Variants in POU2F2 observed in about 807,000 individuals in gnomAD.
The protein encoded by POU2F2 is POU domain, class 2, transcription factor 2.
In POU2F2, 14 loss-of-function variants were observed where a neutral mutation model predicts 63.5. The ratio of observed to expected loss-of-function variants is 0.22; its 90% CI spans 0.15 to 0.34. POU2F2 has a LOEUF of 0.34. Among genes scored for constraint, POU2F2 ranks in the 10% least tolerant of loss-of-function variants. The pLI, the probability that POU2F2 is intolerant of heterozygous loss-of-function variation, is 1.00. For missense variants in POU2F2, 607 were observed against 815.2 expected, an observed-to-expected ratio of 0.74 and a Z score of 3.11; for synonymous variants, 306 against 348.6, an observed-to-expected ratio of 0.88 and a Z score of 1.36.
chr19:42,104,864 C>T (rs1416587878), intron 5 of POU2F2, among the ~76,000 whole-genome samples: 1 of 152,182 alleles, frequency 6.6e-6, no homozygotes, highest in Admixed American at 6.5e-5. Flanking sequence ...ACACTATTCC[C>T]TGACCCCCTG....
upstream of POU2F2, chr19:42,132,608 G>GT (rs2033850042): frequency 4.5e-6 from 2 of 447,592 alleles, no homozygotes; most frequent in Non-Finnish European, 3.9e-6. Flanking sequence ...TGTGCTGGGG[G>GT]GTGGGGGCTA....
intron 1 of POU2F2, among the ~76,000 whole-genome samples, chr19:42,186,741 C>G (rs1175591020): frequency 6.6e-6 from 1 of 151,880 alleles, no homozygotes; most frequent in Non-Finnish European, 1.5e-5. Flanking sequence ...TTTAAAAAAC[C>G]CGGAGGTAAC....
chr19:42,095,957 G>C lies in POU2F2; in HGVS notation c.730-28C>G. 6.2e-7 allele frequency: 1 copy of C among 1,608,168 alleles called. No homozygotes were observed. On this transcript the variant is annotated intron_variant, in intron 8 of 14. Transcript: ENST00000692977. The surrounding 1 kb of genome is among the most constrained non-coding windows in gnomAD (Gnocchi z 7.1). The stretch of plus-strand genomic sequence containing the variant: ...GGGCCAGTGGGGCGGGGAAGGGCCC[G>C]AAGTCAGGGTGGGGCCTTCCGGCAC...
chr19:42,180,156 C>CA (rs2146814020), upstream of POU2F2, among the ~76,000 whole-genome samples: 1 of 152,294 alleles, frequency 6.6e-6, no homozygotes, highest in African/African-American at 2.4e-5. Flanking sequence ...CCCTGGGACC[C>CA]ATACTGTGTG....
Position 42,089,890 on chromosome 19 carries a change from C to T in POU2F2, c.*1367G>A, listed in dbSNP as rs931590591. ...CTCCTCTGTCCGTCGTCAGTGGAGACGTGTCCGGGGCTGGTCAAACACAGG... is the reference window on the plus strand; with the variant it reads ...CTCCTCTGTCCGTCGTCAGTGGAGATGTGTCCGGGGCTGGTCAAACACAGG... On this transcript the variant is annotated 3_prime_UTR_variant, in exon 15 of 15. Coordinates refer to ENST00000692977, the MANE Select transcript of POU2F2 (RefSeq NM_001394376.1). 2.6e-5 allele frequency: 4 copies of T among 151,984 alleles called. No homozygotes were observed. Among genetic ancestry groups the T allele is most frequent in the Non-Finnish European group, 5.9e-5 (4 of 68,016 alleles). 9.4% of individuals were successfully genotyped at this position (151,984 alleles called of 1,614,324 possible).
chr19:42,112,157 A>G (rs2031208235), intron 5 of POU2F2, among the ~76,000 whole-genome samples: 1 of 152,186 alleles, frequency 6.6e-6, no homozygotes, highest in Non-Finnish European at 1.5e-5. Context: ...CTGGACTCCA[A>G]GGCCCTGTGG....
At chr19:42,137,972 G>A (rs1477298150) in intron 2 of POU2F2, among the ~76,000 whole-genome samples, 1 of 152,176 alleles carries the variant, frequency 6.6e-6, no homozygotes, top group African/African-American at 2.4e-5. Flanking sequence ...GATAGGAGAC[G>A]AGGTGTGAGG....
intron 1 of POU2F2, among the ~76,000 whole-genome samples, chr19:42,161,554 G>A (rs1037729645): frequency 8.6e-5 from 13 of 151,926 alleles, no homozygotes; most frequent in Admixed American, 7.9e-4. Flanking sequence ...GGAGGAGGAG[G>A]AGAAAGAAAA....
At chr19:42,131,359 G>A (rs992308868) in intron 1 of POU2F2, among the ~76,000 whole-genome samples, 2 of 152,036 alleles carry the variant, frequency 1.3e-5, no homozygotes, top group Non-Finnish European at 2.9e-5. Context: ...GAGGACACAC[G>A]GGTGCCCGCA....
chr19:42,150,310 A>G (rs2034315921), intron 2 of POU2F2, among the ~76,000 whole-genome samples: 1 of 150,246 alleles, frequency 6.7e-6, no homozygotes, highest in Non-Finnish European at 1.5e-5. Context: ...GGCTTGGTGG[A>G]TTATTGAAGA....
intron 2 of POU2F2, 30 bp downstream of exon 2, chr19:42,122,481 C>A (rs745672264): frequency 6.2e-7 from 1 of 1,607,652 alleles, no homozygotes; most frequent in East Asian, 2.2e-5. Flanking sequence ...CCCACGGTGA[C>A]CCCTGCCCCC....
At chr19:42,100,821 T>C (rs1481892417) in intron 5 of POU2F2, among the ~76,000 whole-genome samples, 8 of 151,614 alleles carry the variant, frequency 5.3e-5, no homozygotes. Flanking sequence ...CACTCCTGGC[T>C]GGGCACGGTG....
chr19:42,122,180 G>A lies in POU2F2; in HGVS notation c.132C>T (p.Asn44=), dbSNP rs2032701027. ...ERNGPDTNHQ[N]PQNKTSPFSV... ...AGAATGGGGAGGTCTTATTTTGGGG[G>A]TTCTGCAAAGAGAAAGTAGGAGCAA... Residue 44 remains asparagine (N), a splice_region_variant and synonymous_variant, in exon 4 of 15, where the codon AAC becomes AAT. Coordinates refer to ENST00000692977, the MANE Select transcript of POU2F2 (RefSeq NM_001394376.1). The A allele has an allele frequency of 3.1e-6, 5 of 1,612,530 alleles. No individual in the cohort carries two copies. Among genetic ancestry groups the A allele is most frequent in the South Asian group, 1.1e-5 (1 of 90,998 alleles).
At chr19:42,180,276 G>T (rs1310324143), upstream of POU2F2, among the ~76,000 whole-genome samples, 1 of 152,134 alleles carries the variant, frequency 6.6e-6, no homozygotes, top group African/African-American at 2.4e-5. Context: ...CCATGAGCAG[G>T]TTCTGGTGAT....
chr19:42,144,478 C>T (rs2034190874), intron 2 of POU2F2, among the ~76,000 whole-genome samples: 1 of 152,244 alleles, frequency 6.6e-6, no homozygotes, highest in African/African-American at 2.4e-5. Flanking sequence ...GCAAGCGCCT[C>T]TTCCACACGA....
intron 1 of POU2F2, among the ~76,000 whole-genome samples, chr19:42,195,019 G>GAGGA (rs1456307649): frequency 1.1e-5 from 1 of 94,850 alleles, no homozygotes; most frequent in Non-Finnish European, 2.2e-5. Context: ...GAGAGGGAGG[G>GAGGA]AGGGAGGAAC....
intron 2 of POU2F2, among the ~76,000 whole-genome samples, chr19:42,147,261 C>T (rs2034250868): frequency 1.3e-5 from 2 of 152,210 alleles, no homozygotes; most frequent in African/African-American, 4.8e-5. Context: ...TGTCTCCTCT[C>T]TGTTCTTTAA....
chr19:42,187,026 G>A (rs776254404), intron 1 of POU2F2, among the ~76,000 whole-genome samples: 6 of 152,176 alleles, frequency 3.9e-5, no homozygotes, highest in Non-Finnish European at 7.3e-5. Context: ...GTCATAGAGA[G>A]AGGTCTCTGG....
intron 4 of POU2F2, among the ~76,000 whole-genome samples, chr19:42,118,304 T>C (rs1466227839): frequency 6.6e-6 from 1 of 152,112 alleles, no homozygotes; most frequent in African/African-American, 2.4e-5. Context: ...AACCACCACC[T>C]TGGAACCTGG....
Sources: gnomAD v4.1 joint callset for allele counts (sites outside exome capture counted in the v4.1 genomes callset) on GRCh38, gnomAD v4.1.1 for gene constraint, Gnocchi (gnomAD v3.1) non-coding constraint, MANE v1.5 for transcripts, NCBI Gene and HGNC (gene_info 2026-07-23, HGNC 2026-07-21) for gene names.